CSGALNACT1: variants seen among roughly 807,000 people sequenced by gnomAD.
The protein encoded by CSGALNACT1 is chondroitin sulfate N-acetylgalactosaminyltransferase 1.
In CSGALNACT1, 52 loss-of-function variants were observed where a neutral mutation model predicts 51.0. The observed-to-expected ratio is 1.02, with a 90% confidence interval of 0.82 to 1.29. The LOEUF is 1.29. CSGALNACT1 is among the 50% of genes most tolerant of loss of function. The pLI is 0.00. For missense variants in CSGALNACT1, 935 were observed against 679.2 expected (o/e 1.38, Z -4.19); for synonymous variants, 341 against 254.4 (o/e 1.34, Z -3.24).
chr8:19,583,451 G>T (rs1433209559), intron 3 of CSGALNACT1, among the ~76,000 whole-genome samples: 1 of 152,128 alleles, frequency 6.6e-6, no homozygotes, highest in East Asian at 1.9e-4. Flanking sequence ...ATCCTAAGCT[G>T]CATTGGATCT....
At chr8:19,618,649 AAAAAAAAGAAAGAAAG>A (rs2053393888) in intron 1 of CSGALNACT1, among the ~76,000 whole-genome samples, 2 of 120,290 alleles carry the variant, frequency 1.7e-5, no homozygotes, top group African/African-American at 3.8e-5. Context: ...AAAAAAAAAA[AAAAAAAAGAAAGAAAG>A]AAAGAAAGAA....
intron 3 of CSGALNACT1, among the ~76,000 whole-genome samples, chr8:19,539,656 T>C (rs2084620209): frequency 6.6e-6 from 1 of 152,180 alleles, no homozygotes; most frequent in South Asian, 2.1e-4. Context: ...TACTAAATAC[T>C]GCACTGTCAG....
chr8:19,527,618 A>G (rs1475007433), intron 3 of CSGALNACT1, among the ~76,000 whole-genome samples: 2 of 152,214 alleles, frequency 1.3e-5, no homozygotes, highest in Non-Finnish European at 2.9e-5. Flanking sequence ...TCAAAAAAAT[A>G]AAGGATAAAA....
At chr8:19,559,677 T>C (rs889138879) in intron 3 of CSGALNACT1, among the ~76,000 whole-genome samples, 3 of 150,948 alleles carry the variant, frequency 2.0e-5, no homozygotes, top group East Asian at 3.9e-4. Context: ...GAAAATGAAA[T>C]CCAAAAAAAA....
intron 1 of CSGALNACT1, among the ~76,000 whole-genome samples, chr8:19,655,106 G>A (rs1047216920): frequency 4.6e-5 from 7 of 152,016 alleles, no homozygotes; most frequent in South Asian, 2.1e-4. Context: ...TGGCCTAATC[G>A]CTCTTTGGAA....
chr8:19,655,056 A>C (rs1259769058), intron 1 of CSGALNACT1, among the ~76,000 whole-genome samples: 5 of 152,200 alleles, frequency 3.3e-5, no homozygotes, highest in Non-Finnish European at 7.3e-5. Context: ...TTGAGTAATA[A>C]GCCAATAAAT....
intron 1 of CSGALNACT1, among the ~76,000 whole-genome samples, chr8:19,703,016 A>G (rs1290882441): frequency 1.3e-5 from 2 of 152,098 alleles, no homozygotes; most frequent in Non-Finnish European, 2.9e-5. Flanking sequence ...ATCACCGTGG[A>G]CAGAATTCAA....
chr8:19,509,550 A>T (rs1417712250), intron 3 of CSGALNACT1, among the ~76,000 whole-genome samples: 1 of 139,258 alleles, frequency 7.2e-6, no homozygotes, highest in Non-Finnish European at 1.5e-5. Flanking sequence ...TGAACCCGGG[A>T]GGCAGAGGTT....
chr8:19,421,722 G>C (rs1224574287), intron 6 of CSGALNACT1, among the ~76,000 whole-genome samples: 1 of 152,228 alleles, frequency 6.6e-6, no homozygotes, highest in Non-Finnish European at 1.5e-5. Context: ...AGTTGTATTT[G>C]TATCTGGAAT....
intron 4 of CSGALNACT1, among the ~76,000 whole-genome samples, chr8:19,495,415 C>T (rs2075279772): frequency 6.6e-6 from 1 of 152,200 alleles, no homozygotes; most frequent in Non-Finnish European, 1.5e-5. Flanking sequence ...TTTAACCCAT[C>T]GTATGCCTGC....
intron 4 of CSGALNACT1, among the ~76,000 whole-genome samples, chr8:19,460,253 G>T (rs1352285166): frequency 3.9e-5 from 6 of 152,088 alleles, no homozygotes; most frequent in Non-Finnish European, 8.8e-5. Flanking sequence ...GAGAATCAGG[G>T]AGACACAGAG....
At chr8:19,418,993 C>T (rs949362911) in intron 7 of CSGALNACT1, among the ~76,000 whole-genome samples, 2 of 152,068 alleles carry the variant, frequency 1.3e-5, no homozygotes, top group South Asian at 2.1e-4. Flanking sequence ...ATTACAGGTG[C>T]CCGCCACCAC....
intron 3 of CSGALNACT1, among the ~76,000 whole-genome samples, chr8:19,528,638 C>T (rs183305416): frequency 6.6e-6 from 1 of 152,118 alleles, no homozygotes; most frequent in Non-Finnish European, 1.5e-5. Flanking sequence ...CTTCCTTAAA[C>T]CCACCCCCAA....
intron 4 of CSGALNACT1, among the ~76,000 whole-genome samples, chr8:19,496,186 A>G (rs2075410034): frequency 6.6e-6 from 1 of 152,226 alleles, no homozygotes; most frequent in Non-Finnish European, 1.5e-5. Context: ...AACACTACTC[A>G]TAACATTAAA....
At chr8:19,642,002 G>A (rs371114333) in intron 1 of CSGALNACT1, 4 of 152,152 alleles carry the variant, frequency 2.6e-5, no homozygotes, top group African/African-American at 9.7e-5. Flanking sequence ...AGATATTTGG[G>A]CAACGCCTGA....
At chr8:19,687,280 C>T (rs940850075), upstream of CSGALNACT1, among the ~76,000 whole-genome samples, 1 of 152,188 alleles carries the variant, frequency 6.6e-6, no homozygotes, top group Non-Finnish European at 1.5e-5. Flanking sequence ...CAATCTCTAT[C>T]TATGATCACT....
chr8:19,655,696 G>C (rs940676812), intron 1 of CSGALNACT1, among the ~76,000 whole-genome samples: 2 of 152,008 alleles, frequency 1.3e-5, no homozygotes, highest in African/African-American at 2.4e-5. Context: ...GGGATTACAG[G>C]CATGAGCCAC....
At chr8:19,752,632 G>A (rs972034627) in intron 1 of CSGALNACT1, among the ~76,000 whole-genome samples, 2 of 152,122 alleles carry the variant, frequency 1.3e-5, no homozygotes, top group Non-Finnish European at 2.9e-5. Context: ...GTGTGCCCAC[G>A]TGCCTTAAGA....
At chr8:19,599,080 G>GA (rs996654584) in intron 2 of CSGALNACT1, among the ~76,000 whole-genome samples, 1 of 151,966 alleles carries the variant, frequency 6.6e-6, no homozygotes, top group Non-Finnish European at 1.5e-5. Context: ...GGAGTGAGCA[G>GA]AAGGGCCAGA....
Sources: allele counts gnomAD v4.1 joint callset (sites outside exome capture counted in the v4.1 genomes callset), GRCh38; gene constraint gnomAD v4.1.1; transcripts MANE v1.5; gene names NCBI Gene and HGNC (gene_info 2026-07-23, HGNC 2026-07-21).